The following OSBPL3 variants were observed in gnomAD, a reference collection of about 807,000 sequenced individuals.
OSBPL3 encodes oxysterol binding protein like 3.
In OSBPL3, 65 loss-of-function variants were observed where a neutral mutation model predicts 120.1. The observed-to-expected ratio is 0.54, with a 90% CI of 0.44 to 0.67. OSBPL3 has a LOEUF of 0.67. OSBPL3 is among the 30% of genes least tolerant of loss of function. The probability of loss-of-function intolerance (pLI) is 0.00; values close to 1 mark genes in which losing one functional copy is unlikely to be tolerated. For synonymous variants in OSBPL3, 416 were observed against 402.6 expected, an observed-to-expected ratio of 1.03 and a Z score of -0.40; for missense variants, 1,004 against 1,082.1, an observed-to-expected ratio of 0.93 and a Z score of 1.01.
chr7:24,801,618 C>G (rs533970408), intron 22 of OSBPL3, among the ~76,000 whole-genome samples: 54 of 152,310 alleles, frequency 3.5e-4, no homozygotes, highest in African/African-American at 1.3e-3. Context: ...CAAACTATGG[C>G]CCAAGGGTCG....
intron 1 of OSBPL3, among the ~76,000 whole-genome samples, chr7:24,915,623 G>C (rs1032093189): frequency 6.6e-6 from 1 of 150,908 alleles, no homozygotes; most frequent in Non-Finnish European, 1.5e-5. Context: ...ACCCAGGCTG[G>C]AGTGCAGTGG....
Position 24,862,087 on chromosome 7 carries a change from C to T in OSBPL3, c.871-318G>A, listed in dbSNP as rs557831468. Among the ~76,000 whole-genome samples, 402 of 152,188 alleles carry T rather than the reference C, an allele frequency of 2.6e-3. 3 individuals carry two copies. The highest frequency in any genetic ancestry group is 9.4e-3 in the African/African-American group (389 of 41,524). ...ATTTTTAGTAGAGACGGGGTTTCAC[C>T]GTGTTAGCCAGGATGGTCTCGATCT... On this transcript the variant is annotated intron_variant, in intron 9 of 22. Coordinates refer to ENST00000313367, the MANE Select transcript of OSBPL3 (RefSeq NM_015550.4). The surrounding 1 kb of genome is among the most constrained non-coding windows in gnomAD (Gnocchi z 4.4).
chr7:24,920,666 C>A (rs1421972004), intron 1 of OSBPL3, among the ~76,000 whole-genome samples: 4 of 152,064 alleles, frequency 2.6e-5, no homozygotes, highest in Non-Finnish European at 5.9e-5. Context: ...AAAACTCCAA[C>A]AAGGAAGTTA....
rs10255575 is a variant in OSBPL3 at position 24,883,216 on chromosome 7, A to T, written c.96+9161T>A. ...TGATTTAGGGTGATGTGGGCTTGTG[A>T]ACAGATGCAGTGGAAAACACAGCTG... On this transcript the variant is annotated intron_variant, in intron 2 of 22. Transcript: ENST00000313367. This position sits in a 1 kb window ranked among gnomAD's most constrained non-coding sequence, Gnocchi z 5.4. 0.4 allele frequency among the ~76,000 whole-genome samples: 61,287 copies of T among 151,972 alleles called. 13,467 individuals carry two copies. Among genetic ancestry groups the T allele is most frequent in the East Asian group, 0.7 (3,620 of 5,174 alleles).
chr7:24,961,551 T>G (rs746053573), intron 1 of OSBPL3, among the ~76,000 whole-genome samples: 1 of 152,154 alleles, frequency 6.6e-6, no homozygotes, highest in Non-Finnish European at 1.5e-5. Context: ...CCCAGAGAGC[T>G]GCCATGCCCC....
intron 2 of OSBPL3, among the ~76,000 whole-genome samples, chr7:24,884,733 G>T (rs554745890): frequency 6.6e-6 from 1 of 152,206 alleles, no homozygotes; most frequent in East Asian, 1.9e-4. Flanking sequence ...GCAGAGAGAG[G>T]GTATTAACTT....
rs549323991 is a variant in OSBPL3 at position 24,805,690 on chromosome 7, G to C, written c.2444+1086C>G. 6.6e-6 allele frequency among the ~76,000 whole-genome samples: 1 copy of C among 152,156 alleles called. No individual in the cohort carries two copies. The highest frequency in any genetic ancestry group is 2.4e-5 in the African/African-American group (1 of 41,436). ...GTATGGCTTTCTTTAAAATAAATTAGGGGAATGGGCCCATTTGGGACCAAC... is the reference window on the plus strand; with the variant it reads ...GTATGGCTTTCTTTAAAATAAATTACGGGAATGGGCCCATTTGGGACCAAC... On this transcript the variant is annotated intron_variant, in intron 21 of 22. Transcript: ENST00000313367. The surrounding 1 kb of genome is among the most constrained non-coding windows in gnomAD (Gnocchi z 4.0).
At chr7:24,928,921 C>CA (rs1811437933) in intron 1 of OSBPL3, among the ~76,000 whole-genome samples, 1 of 152,160 alleles carries the variant, frequency 6.6e-6, no homozygotes, top group Admixed American at 6.5e-5. Flanking sequence ...AGCTGATGAA[C>CA]ATTTGAGTTG....
Position 24,806,067 on chromosome 7 carries a change from G to A in OSBPL3, c.2444+709C>T, listed in dbSNP as rs1792994662. 6.6e-6 allele frequency among the ~76,000 whole-genome samples: 1 copy of A among 151,998 alleles called. No individual in the cohort carries two copies. Among genetic ancestry groups the A allele is most frequent in the Non-Finnish European group, 1.5e-5 (1 of 68,006 alleles). On this transcript the variant is annotated intron_variant, in intron 21 of 22. Transcript: ENST00000313367. This position sits in a 1 kb window ranked among gnomAD's most constrained non-coding sequence, Gnocchi z 5.2. ...CTCCTCTTGGGTTCAAGCAATTCTC[G>A]TGCCTCAGCCTCCCAAGTAGTTGGG...
At chr7:24,825,044 C>T (rs1338415779) in intron 16 of OSBPL3, among the ~76,000 whole-genome samples, 3 of 152,106 alleles carry the variant, frequency 2.0e-5, no homozygotes, top group East Asian at 1.9e-4. Flanking sequence ...TTTTCGAGGG[C>T]GTTGTGGACC....
chr7:24,976,519 C>G (rs894795835), intron 1 of OSBPL3, among the ~76,000 whole-genome samples: 1 of 145,928 alleles, frequency 6.9e-6, no homozygotes, highest in Non-Finnish European at 1.5e-5. Context: ...TGAAGGTGAT[C>G]TGAACAGTAG....
Position 24,955,623 on chromosome 7 carries a change from T to C in OSBPL3, c.-150+24263A>G, listed in dbSNP as rs1814951519. ...AGAGAGGCCTTTGGCCATTTCTATG[T>C]AAAATCAAACAGCAGCACCCCTGTC... On this transcript the variant is annotated intron_variant, in intron 1 of 22. Coordinates refer to ENST00000313367, the MANE Select transcript of OSBPL3 (RefSeq NM_015550.4). The surrounding 1 kb of genome is among the most constrained non-coding windows in gnomAD (Gnocchi z 4.3). 6.6e-6 allele frequency among the ~76,000 whole-genome samples: 1 copy of C among 152,210 alleles called. No individual in the cohort carries two copies.
chr7:24,815,687 C>T lies in OSBPL3; in HGVS notation c.2028-484G>A, dbSNP rs1290766922. Among the ~76,000 whole-genome samples, 1 of 152,106 alleles carries T rather than the reference C, an allele frequency of 6.6e-6. No homozygotes were observed. Among genetic ancestry groups the T allele is most frequent in the Non-Finnish European group, 1.5e-5 (1 of 68,036 alleles). ...AGGAAAATGGTATTAATAATAAGACCAGATACTTACAAAACATATGCAATG... is the reference window on the plus strand; with the variant it reads ...AGGAAAATGGTATTAATAATAAGACTAGATACTTACAAAACATATGCAATG... On this transcript the variant is annotated intron_variant, in intron 18 of 22. Coordinates refer to ENST00000313367, the MANE Select transcript of OSBPL3 (RefSeq NM_015550.4). The surrounding 1 kb of genome is among the most constrained non-coding windows in gnomAD (Gnocchi z 5.1).
At chr7:24,917,476 C>T (rs1809846534) in intron 1 of OSBPL3, among the ~76,000 whole-genome samples, 1 of 138,534 alleles carries the variant, frequency 7.2e-6, no homozygotes, top group African/African-American at 2.7e-5. Context: ...TATACACACA[C>T]ACACACACAC....
chr7:24,963,909 G>A (rs1277772227), intron 1 of OSBPL3, among the ~76,000 whole-genome samples: 1 of 152,038 alleles, frequency 6.6e-6, no homozygotes, highest in Non-Finnish European at 1.5e-5. Flanking sequence ...TACAAGATTA[G>A]CCTGAGTACC....
chr7:24,903,883 A>ATT (rs5882953), intron 1 of OSBPL3, among the ~76,000 whole-genome samples: 3,173 of 138,892 alleles, frequency 0.023, 111 homozygotes, highest in African/African-American at 0.07. Context: ...CTCACCACCA[A>ATT]TTTTTTTTTT....
In OSBPL3 at chr7:24,884,836, A is replaced by T. The variant is rs1269269117; in HGVS notation, c.96+7541T>A. Among the ~76,000 whole-genome samples, 3 of 152,248 alleles carry T rather than the reference A, an allele frequency of 2.0e-5. No individual in the cohort carries two copies. The East Asian group carries it at 5.8e-4, about 29-fold the overall frequency. ...TGCTCGCTGCCTCTCCTCTTCTATG[A>T]TCATCATAGAACAGTGTGAGACAAC... On this transcript the variant is annotated intron_variant, in intron 2 of 22. Coordinates refer to ENST00000313367, the MANE Select transcript of OSBPL3 (RefSeq NM_015550.4).
rs1313464555 is a variant in OSBPL3, at chr7:24,831,428, G to A, written c.1747-523C>T. Among the ~76,000 whole-genome samples, 1 of 152,048 alleles carries A rather than the reference G, an allele frequency of 6.6e-6. No homozygotes were observed. Among genetic ancestry groups the A allele is most frequent in the Non-Finnish European group, 1.5e-5 (1 of 68,012 alleles). ...ATCTGTGAGTCATTTCCTAAGCCTG[G>A]GAAACAAGCCACAGGATATAGTGAC... On this transcript the variant is annotated intron_variant, in intron 15 of 22. Transcript: ENST00000313367. The surrounding 1 kb of genome is among the most constrained non-coding windows in gnomAD (Gnocchi z 4.0).
rs758043561 is a variant in OSBPL3, at chr7:24,818,317, A to G, written c.1949-1629T>C. ...TTTACACGGGTGAATGATATGGTAT[A>G]TAAGTTATATGTTCATAAAATTGTT... On this transcript the variant is annotated intron_variant, in intron 17 of 22. Coordinates refer to ENST00000313367, the MANE Select transcript of OSBPL3 (RefSeq NM_015550.4). This position sits in a 1 kb window ranked among gnomAD's most constrained non-coding sequence, Gnocchi z 4.0. Among the ~76,000 whole-genome samples the G allele has an allele frequency of 5.9e-5, 9 of 152,222 alleles. No homozygotes were observed. Among genetic ancestry groups the G allele is most frequent in the Non-Finnish European group, 1.2e-4 (8 of 68,036 alleles).
Sources: allele counts gnomAD v4.1 joint callset (sites outside exome capture counted in the v4.1 genomes callset), GRCh38; gene constraint gnomAD v4.1.1; non-coding constraint Gnocchi (gnomAD v3.1); transcripts MANE v1.5; gene names NCBI Gene and HGNC (gene_info 2026-07-23, HGNC 2026-07-21).